Variants in DYTN observed in about 807,000 individuals in gnomAD.
The protein encoded by DYTN is dystrotelin.
DYTN carries 75 observed loss-of-function variants against 69.6 expected under a neutral mutation model. The ratio of observed to expected loss-of-function variants is 1.08; its 90% confidence interval spans 0.89 to 1.31. The LOEUF is 1.31. DYTN is among the 50% of genes most tolerant of loss of function. The probability of loss-of-function intolerance (pLI) is 0.00; values close to 1 mark genes in which losing one functional copy is unlikely to be tolerated. For synonymous variants in DYTN, 252 were observed against 249.1 expected (o/e 1.01, Z -0.11); for missense variants, 726 against 688.4 (o/e 1.05, Z -0.61).
intron 4 of DYTN, 124 bp from the exon 5 acceptor site, chr2:206,705,067 T>C: frequency 1.3e-6 from 1 of 789,968 alleles, no homozygotes; most frequent in Non-Finnish European, 2.1e-6. Flanking sequence ...GTTATGTTCT[T>C]GATTATTGGC....
intron 11 of DYTN, among the ~76,000 whole-genome samples, chr2:206,659,230 G>A (rs1051560607): frequency 1.2e-4 from 17 of 146,258 alleles, no homozygotes; most frequent in African/African-American, 4.3e-4. Flanking sequence ...GGAGTGCACG[G>A]GCGCGATCTC....
intron 5 of DYTN, 70 bp from the exon 6 acceptor site, chr2:206,700,286 T>C: frequency 6.5e-7 from 1 of 1,547,964 alleles, no homozygotes; most frequent in Non-Finnish European, 8.9e-7. Flanking sequence ...GCAGCAGGGC[T>C]GAGAGCTGGT....
intron 5 of DYTN, among the ~76,000 whole-genome samples, chr2:206,702,754 C>A (rs1415358901): frequency 1.3e-5 from 2 of 152,180 alleles, no homozygotes; most frequent in African/African-American, 4.8e-5. Context: ...CTCTGTGATT[C>A]TAACACTAGT....
intron 11 of DYTN, among the ~76,000 whole-genome samples, chr2:206,662,571 A>G (rs1418183027): frequency 1.3e-5 from 2 of 151,998 alleles, no homozygotes; most frequent in Non-Finnish European, 2.9e-5. Context: ...AAATGGTGAC[A>G]TAGGCTGCCC....
chr2:206,663,077 G>C lies in DYTN; in HGVS notation c.1459C>G (p.Leu487Val). The change falls in exon 11 of 12, where the codon CTG (leucine) becomes GTG (valine). Residue 487 changes from leucine (L) to valine (V), a missense_variant. Transcript: ENST00000452335. ...ACCATTTTGGGGATGTCCTGCTTCA[G>C]TCCCTCCTGATAACTGGGTAGGGCA... ...ISALPSYQEG[L>V]KQDIPKMVPA... The C allele has an allele frequency of 1.2e-6, 2 of 1,613,868 alleles. No individual in the cohort carries two copies. The highest frequency in any genetic ancestry group is 1.7e-6 in the Non-Finnish European group (2 of 1,179,882).
chr2:206,675,558 A>G (rs1699677870), intron 9 of DYTN, among the ~76,000 whole-genome samples: 1 of 152,032 alleles, frequency 6.6e-6, no homozygotes. Context: ...GAAATCAGCT[A>G]TGTATAACCT....
intron 7 of DYTN, 111 bp downstream of exon 7, chr2:206,699,616 C>T: frequency 2.2e-6 from 3 of 1,335,038 alleles, no homozygotes; most frequent in East Asian, 2.6e-5. Context: ...AAAAAGTCAA[C>T]TGAATTTCAG....
chr2:206,689,533 A>C (rs575120807), intron 9 of DYTN, among the ~76,000 whole-genome samples: 20 of 152,204 alleles, frequency 1.3e-4, no homozygotes, highest in Non-Finnish European at 2.6e-4. Context: ...ACAGAGTACA[A>C]CTCATTGACG....
intron 11 of DYTN, among the ~76,000 whole-genome samples, chr2:206,659,315 GC>G (rs1699481859): frequency 6.6e-6 from 1 of 151,066 alleles, no homozygotes; most frequent in Non-Finnish European, 1.5e-5. Flanking sequence ...GGGACTACAG[GC>G]TCCAGCCACC....
chr2:206,668,340 A>T (rs745732527), intron 9 of DYTN, among the ~76,000 whole-genome samples: 1 of 152,144 alleles, frequency 6.6e-6, no homozygotes, highest in Non-Finnish European at 1.5e-5. Flanking sequence ...AGAAGGTAGG[A>T]CTCTGTCAGA....
intron 9 of DYTN, among the ~76,000 whole-genome samples, chr2:206,689,899 A>G (rs1699847415): frequency 6.6e-6 from 1 of 152,250 alleles, no homozygotes; most frequent in Admixed American, 6.5e-5. Context: ...CAGTCATTCA[A>G]CAAATATTTA....
chr2:206,703,436 T>G (rs1574602247), intron 5 of DYTN, among the ~76,000 whole-genome samples: 1 of 152,138 alleles, frequency 6.6e-6, no homozygotes, highest in East Asian at 1.9e-4. Flanking sequence ...GTAGAACGTT[T>G]GATGGTGGGA....
At chr2:206,717,078 A>ACACACG (rs572773145) in intron 1 of DYTN, among the ~76,000 whole-genome samples, 4 of 148,862 alleles carry the variant, frequency 2.7e-5, no homozygotes, top group South Asian at 2.2e-4. Context: ...ACACACACAC[A>ACACACG]AAACAAACTC....
intron 9 of DYTN, among the ~76,000 whole-genome samples, chr2:206,692,021 T>C (rs1482211632): frequency 6.6e-6 from 1 of 152,142 alleles, no homozygotes. Context: ...GTGCCTGTAA[T>C]CTCAACACTT....
chr2:206,665,866 A>C lies in DYTN; in HGVS notation c.1140+4T>G, dbSNP rs766515712. 1 of 1,613,204 alleles carries C rather than the reference A, an allele frequency of 6.2e-7. No individual in the cohort carries two copies. Among genetic ancestry groups the C allele is most frequent in the Non-Finnish European group, 8.5e-7 (1 of 1,179,540 alleles). On this transcript the variant is annotated splice_donor_region_variant and intron_variant, in intron 10 of 11. Coordinates refer to ENST00000452335, the MANE Select transcript of DYTN (RefSeq NM_001093730.1). ...AGATGGCCAGTGTCCCTCACATTTT[A>C]TACCTGTAGGTCCCGTCTTATCTGT...
At chr2:206,701,055 A>G (rs1313287581) in intron 5 of DYTN, 3 of 152,156 alleles carry the variant, frequency 2.0e-5, no homozygotes, top group African/African-American at 4.8e-5. Flanking sequence ...TATTGTATAT[A>G]TACATATTTT....
chr2:206,699,551 T>C (rs16838597), intron 7 of DYTN, among the ~76,000 whole-genome samples, 176 bp downstream of exon 7: 2,373 of 152,292 alleles, frequency 0.016, 54 homozygotes, highest in African/African-American at 0.054. Flanking sequence ...TTATAGAAGA[T>C]AAAAGACAAT....
chr2:206,666,538 T>G (rs1436353035), intron 9 of DYTN, among the ~76,000 whole-genome samples: 1 of 152,134 alleles, frequency 6.6e-6, no homozygotes, highest in African/African-American at 2.4e-5. Flanking sequence ...CTTTATACAC[T>G]ATCCTTTTGT....
intron 7 of DYTN, among the ~76,000 whole-genome samples, chr2:206,697,873 G>A (rs926610795): frequency 3.9e-5 from 6 of 152,138 alleles, no homozygotes; most frequent in South Asian, 4.1e-4. Flanking sequence ...TTTTAGGGGC[G>A]ACTTAAGTAA....
Sources: allele counts gnomAD v4.1 joint callset (sites outside exome capture counted in the v4.1 genomes callset), GRCh38; gene constraint gnomAD v4.1.1; transcripts MANE v1.5; gene names NCBI Gene and HGNC (gene_info 2026-07-23, HGNC 2026-07-21).